The following RGS6 variants were observed in gnomAD, a reference collection of about 807,000 sequenced individuals.
RGS6 encodes regulator of G-protein signaling 6.
RGS6 carries 30 observed loss-of-function variants against 78.5 expected under a neutral mutation model. The ratio of observed to expected loss-of-function variants is 0.38; its 90% CI spans 0.29 to 0.52. The LOEUF (loss-of-function observed/expected upper bound fraction) is 0.52, where lower values mean the gene tolerates loss of function less well. Among genes scored for constraint, RGS6 ranks in the 20% least tolerant of loss-of-function variants. The pLI is 0.85. For synonymous variants in RGS6, 206 were observed against 206.0 expected, an observed-to-expected ratio of 1.00 and a Z score of 0.00; for missense variants, 495 against 609.7, an observed-to-expected ratio of 0.81 and a Z score of 1.98.
chr14:72,139,283 C>A (rs903566582), intron 2 of RGS6, among the ~76,000 whole-genome samples: 1 of 152,234 alleles, frequency 6.6e-6, no homozygotes, highest in East Asian at 1.9e-4. Flanking sequence ...AGTTTTCTAA[C>A]ACTTCTGTCA....
At chr14:71,885,967 CTCCCTTCCCTCTCCT>C in the RGS6 span, among the ~76,000 whole-genome samples, 6 of 150,522 alleles carry the variant, frequency 4.0e-5, no homozygotes, top group Admixed American at 6.6e-5. Context: ...CTTTTTCTCC[CTCCCTTCCCTCTCCT>C]TCCCTTCCCC....
chr14:72,134,232 C>T (rs2153598358), intron 2 of RGS6, among the ~76,000 whole-genome samples: 1 of 152,232 alleles, frequency 6.6e-6, no homozygotes, highest in East Asian at 1.9e-4. Context: ...GAATGTGTTG[C>T]CCATCTCTGG....
At chr14:72,426,181 C>T (rs910591353) in intron 3 of RGS6, among the ~76,000 whole-genome samples, 1 of 152,078 alleles carries the variant, frequency 6.6e-6, no homozygotes, top group Non-Finnish European at 1.5e-5. Context: ...TTTCATAAGC[C>T]TCTGAGTTCA....
intron 2 of RGS6, among the ~76,000 whole-genome samples, chr14:72,249,696 T>C (rs1372602899): frequency 2.0e-5 from 3 of 152,140 alleles, no homozygotes; most frequent in Admixed American, 1.3e-4. Flanking sequence ...ATTTATGCAC[T>C]AGAGAGGTGC....
chr14:72,023,367 C>G (rs1285997778), intron 2 of RGS6, among the ~76,000 whole-genome samples: 2 of 152,188 alleles, frequency 1.3e-5, no homozygotes, highest in Non-Finnish European at 1.5e-5. Flanking sequence ...CCAGTTCAGT[C>G]ACCTATCTGA....
At chr14:71,916,861 T>C in the RGS6 span, among the ~76,000 whole-genome samples, 6 of 152,176 alleles carry the variant, frequency 3.9e-5, no homozygotes, top group Non-Finnish European at 7.3e-5. Context: ...TCAGGATCCC[T>C]GGATGCATGG....
chr14:71,963,346 A>G (rs570771686), intron 1 of RGS6, among the ~76,000 whole-genome samples: 1 of 152,320 alleles, frequency 6.6e-6, no homozygotes, highest in South Asian at 2.1e-4. Flanking sequence ...GCCACATTAA[A>G]TATATTTATT....
chr14:72,036,126 T>C (rs2091658890), intron 2 of RGS6, among the ~76,000 whole-genome samples: 1 of 151,990 alleles, frequency 6.6e-6, no homozygotes, highest in African/African-American at 2.4e-5. Flanking sequence ...TCCTACCGTA[T>C]ATAATCTTTT....
intron 2 of RGS6, among the ~76,000 whole-genome samples, chr14:72,300,729 G>A (rs571635793): frequency 5.3e-5 from 8 of 152,310 alleles, no homozygotes; most frequent in Admixed American, 2.0e-4. Context: ...GCAGGCATGC[G>A]GAATGTCCAT....
intron 3 of RGS6, among the ~76,000 whole-genome samples, chr14:72,417,256 TTC>T (rs1281642148): frequency 6.6e-6 from 1 of 152,202 alleles, no homozygotes; most frequent in Non-Finnish European, 1.5e-5. Flanking sequence ...TTGTCAAATA[TTC>T]TCTGTCAACT....
At chr14:72,616,633 T>C in the RGS6 span, among the ~76,000 whole-genome samples, 1 of 152,192 alleles carries the variant, frequency 6.6e-6, no homozygotes, top group Admixed American at 6.5e-5. Context: ...CAAGTGTTAC[T>C]ATCTCCACTT....
At chr14:72,410,533 A>G (rs1256749516) in intron 3 of RGS6, among the ~76,000 whole-genome samples, 2 of 152,106 alleles carry the variant, frequency 1.3e-5, no homozygotes, top group Non-Finnish European at 2.9e-5. Context: ...GTTCACTCTG[A>G]TGGTGGTTTC....
chr14:72,226,942 C>T (rs185716647), intron 2 of RGS6, among the ~76,000 whole-genome samples: 86 of 152,316 alleles, frequency 5.6e-4, no homozygotes, highest in Non-Finnish European at 7.1e-4. Context: ...CCACCTTGAC[C>T]TCCCAAAGTG....
intron 12 of RGS6, among the ~76,000 whole-genome samples, chr14:72,484,030 C>T (rs565693122): frequency 1.4e-4 from 22 of 152,054 alleles, no homozygotes; most frequent in Middle Eastern, 3.4e-3. Context: ...CTTTCCTCTC[C>T]GCAGTGCTGC....
rs188195074 is a variant in RGS6, at chr14:72,066,178, A to G, written c.84+101303A>G. ...AATTGTAGCAATGCCTGATGTGACC[A>G]CTTTATTACTGCCTTAGAAGTACTT... On this transcript the variant is annotated intron_variant, in intron 2 of 17. Transcript: ENST00000553525. Among the ~76,000 whole-genome samples the G allele has an allele frequency of 7.2e-5, 11 of 152,240 alleles. No individual in the cohort carries two copies. In the East Asian group the frequency reaches 1.9e-3, roughly 27 times the overall value.
chr14:72,078,709 C>A (rs988088239), intron 2 of RGS6, among the ~76,000 whole-genome samples: 2 of 152,154 alleles, frequency 1.3e-5, no homozygotes, highest in Admixed American at 6.5e-5. Context: ...TGAGCCACTG[C>A]GCCCGGCCAG....
the RGS6 span, among the ~76,000 whole-genome samples, chr14:72,627,370 G>C: frequency 6.6e-6 from 1 of 151,968 alleles, no homozygotes; most frequent in Non-Finnish European, 1.5e-5. Flanking sequence ...TTCTCAAATG[G>C]CTACCCCATT....
the RGS6 span, among the ~76,000 whole-genome samples, chr14:72,588,020 C>T: frequency 7.3e-4 from 111 of 152,320 alleles, no homozygotes; most frequent in African/African-American, 2.6e-3. Flanking sequence ...GCAGTGGCTG[C>T]ACCAGAAAGA....
chr14:72,113,240 A>G (rs535159625), intron 2 of RGS6, among the ~76,000 whole-genome samples: 10 of 152,354 alleles, frequency 6.6e-5, no homozygotes, highest in African/African-American at 2.2e-4. Flanking sequence ...ACGTTTACAC[A>G]TATTTATTTG....
Sources: gnomAD v4.1 joint callset for allele counts (sites outside exome capture counted in the v4.1 genomes callset) on GRCh38, gnomAD v4.1.1 for gene constraint, MANE v1.5 for transcripts, NCBI Gene and HGNC (gene_info 2026-07-23, HGNC 2026-07-21) for gene names.